Variants in DOCK2 observed in about 807,000 individuals in gnomAD.
DOCK2 encodes the protein dedicator of cytokinesis 2, also known as dedicator of cytokinesis protein 2.
DOCK2 carries 87 observed loss-of-function variants against 248.9 expected under a neutral mutation model. The observed-to-expected ratio is 0.35, with a 90% CI of 0.29 to 0.42. The LOEUF is 0.42. Ranked by LOEUF, DOCK2 falls within the 10% of genes least tolerant of loss-of-function variation. DOCK2 has a pLI of 1.00. For synonymous variants in DOCK2, 805 were observed against 821.6 expected (o/e 0.98, Z 0.35); for missense variants, 1,747 against 2,300.2 (o/e 0.76, Z 4.92).
rs1757932890 is a variant in DOCK2, at chr5:170,078,997, C to T, written c.5017C>T (p.Pro1673Ser). 1.2e-6 allele frequency: 2 copies of T among 1,614,106 alleles called. No individual in the cohort carries two copies. The highest frequency in any genetic ancestry group is 1.7e-6 in the Non-Finnish European group (2 of 1,180,004). ...SESFDLELAS[P>S]KTPRVEQEEP... ...CAGCTTTGACCTGGAATTAGCATCA[C>T]CCAAGACGCCGAGAGTGGAGCAGGA... Residue 1673 changes from proline (P) to serine (S), a missense_variant, in exon 49 of 52, where the codon CCC becomes TCC. Transcript: ENST00000520908.
chr5:170,058,080 T>G (rs895357228), intron 44 of DOCK2, among the ~76,000 whole-genome samples: 15 of 152,162 alleles, frequency 9.9e-5, no homozygotes, highest in African/African-American at 3.6e-4. Context: ...AAACTGAGGC[T>G]CAGAAGGGAG....
intron 30 of DOCK2, among the ~76,000 whole-genome samples, chr5:170,003,958 G>C (rs1328056102): frequency 1.3e-5 from 2 of 152,160 alleles, no homozygotes; most frequent in Admixed American, 1.3e-4. Context: ...GAGGTACTTG[G>C]ATGTGCCATT....
Position 170,011,836 on chromosome 5 carries a change from G to A in DOCK2, c.3232+3090G>A, listed in dbSNP as rs553616503. ...TCCCCTCTCTTTCTTTCTGGAAAAG[G>A]ACAATATGGCTGGAGGGGCAGTAGC... On this transcript the variant is annotated intron_variant, in intron 32 of 51. Transcript: ENST00000520908. Among the ~76,000 whole-genome samples the A allele has an allele frequency of 4.6e-5, 7 of 152,266 alleles. 1 individual carries two copies. In the South Asian group the frequency reaches 1.5e-3, roughly 32 times the overall value.
At chr5:169,761,494 C>T (rs781570368) in intron 24 of DOCK2, 25 bp from the exon 25 acceptor site, 82 of 1,593,482 alleles carry the variant, frequency 5.1e-5, no homozygotes, top group Non-Finnish European at 6.5e-5. Context: ...CTTGCTCTAC[C>T]AGCTCCTATT....
intron 29 of DOCK2, among the ~76,000 whole-genome samples, chr5:169,991,936 A>C (rs1778220166): frequency 6.6e-6 from 1 of 152,238 alleles, no homozygotes; most frequent in Non-Finnish European, 1.5e-5. Context: ...TAATGTTTGT[A>C]GAACTGTTAG....
At chr5:170,077,206 C>T (rs1190142797) in intron 47 of DOCK2, among the ~76,000 whole-genome samples, 1 of 152,172 alleles carries the variant, frequency 6.6e-6, no homozygotes, top group Non-Finnish European at 1.5e-5. Flanking sequence ...TGATTACCAG[C>T]CAGAGAAGTT....
chr5:169,773,053 G>A (rs1765181718), intron 25 of DOCK2: 1 of 152,212 alleles, frequency 6.6e-6, no homozygotes, highest in African/African-American at 2.4e-5. Flanking sequence ...TTCAACTGCA[G>A]TGTCACAAAG....
At chr5:169,946,951 G>T (rs1378353268) in intron 27 of DOCK2, among the ~76,000 whole-genome samples, 1 of 152,166 alleles carries the variant, frequency 6.6e-6, no homozygotes, top group Admixed American at 6.5e-5. Flanking sequence ...TCAGGATGGA[G>T]TTTTGCCATA....
At chr5:169,905,853 T>C (rs1278341693) in intron 27 of DOCK2, among the ~76,000 whole-genome samples, 1 of 152,222 alleles carries the variant, frequency 6.6e-6, no homozygotes, top group Non-Finnish European at 1.5e-5. Flanking sequence ...CAGGAAGATT[T>C]ACTTTCTGAC....
rs148880403 is a variant in DOCK2 at position 170,036,175 on chromosome 5, A to G, written c.3625-340A>G. 2.4e-3 allele frequency among the ~76,000 whole-genome samples: 362 copies of G among 151,706 alleles called. 2 individuals carry two copies. Among genetic ancestry groups the G allele is most frequent in the African/African-American group, 8.2e-3 (341 of 41,462 alleles). ...AAACATCAAGCTGGGCTGCCTTTCAATGTGGGCCTGGTTAAAGTAGACTAC... is the reference window on the plus strand; with the variant it reads ...AAACATCAAGCTGGGCTGCCTTTCAGTGTGGGCCTGGTTAAAGTAGACTAC... On this transcript the variant is annotated intron_variant, in intron 35 of 51. Coordinates refer to ENST00000520908, the MANE Select transcript of DOCK2 (RefSeq NM_004946.3).
chr5:170,020,976 C>T (rs1327528584), intron 33 of DOCK2, among the ~76,000 whole-genome samples: 2 of 152,218 alleles, frequency 1.3e-5, no homozygotes, highest in Admixed American at 1.3e-4. Context: ...TTTATTTGTG[C>T]AAGAAACATC....
chr5:169,830,592 G>T (rs1234423256), intron 26 of DOCK2, among the ~76,000 whole-genome samples: 1 of 152,112 alleles, frequency 6.6e-6, no homozygotes, highest in African/African-American at 2.4e-5. Flanking sequence ...TTATTCATTG[G>T]CATTAAGATA....
chr5:169,933,651 G>A (rs1349484093), intron 27 of DOCK2, among the ~76,000 whole-genome samples: 2 of 152,142 alleles, frequency 1.3e-5, no homozygotes, highest in Non-Finnish European at 2.9e-5. Flanking sequence ...AGTAACAGCT[G>A]TAGAAGTCAG....
At chr5:170,069,512 C>T (rs1018851607) in intron 46 of DOCK2, among the ~76,000 whole-genome samples, 6 of 152,092 alleles carry the variant, frequency 3.9e-5, no homozygotes, top group African/African-American at 7.2e-5. Context: ...CTTTTCACAG[C>T]GGGATGCAAA....
intron 22 of DOCK2, among the ~76,000 whole-genome samples, chr5:169,745,970 G>A (rs1338920221): frequency 6.6e-6 from 1 of 152,154 alleles, no homozygotes; most frequent in Non-Finnish European, 1.5e-5. Flanking sequence ...TAGGCACGTA[G>A]CCACTTCAAC....
chr5:169,674,767 T>C (rs1057167563), intron 6 of DOCK2, among the ~76,000 whole-genome samples: 1 of 152,248 alleles, frequency 6.6e-6, no homozygotes, highest in East Asian at 1.9e-4. Flanking sequence ...ATTTTATACC[T>C]GCATTTGCAA....
chr5:169,720,089 C>A (rs4867881), intron 22 of DOCK2, among the ~76,000 whole-genome samples: 7 of 152,180 alleles, frequency 4.6e-5, no homozygotes, highest in Non-Finnish European at 1.0e-4. Flanking sequence ...TTGAACCATG[C>A]GACAGAACAA....
intron 27 of DOCK2, among the ~76,000 whole-genome samples, chr5:169,968,472 T>A (rs1328317171): frequency 2.6e-5 from 4 of 152,174 alleles, no homozygotes; most frequent in Non-Finnish European, 5.9e-5. Context: ...CATGAGCATA[T>A]GATTAAGATA....
At chr5:169,693,575 G>A (rs1239475325) in intron 9 of DOCK2, among the ~76,000 whole-genome samples, 1 of 152,132 alleles carries the variant, frequency 6.6e-6, no homozygotes, top group Non-Finnish European at 1.5e-5. Context: ...CCAGAGACAA[G>A]GCTGTTCCAA....
Sources: allele counts gnomAD v4.1 joint callset (sites outside exome capture counted in the v4.1 genomes callset), GRCh38; gene constraint gnomAD v4.1.1; transcripts MANE v1.5; gene names NCBI Gene and HGNC (gene_info 2026-07-23, HGNC 2026-07-21).